Variants in SLC49A4 observed in about 807,000 individuals in gnomAD.
SLC49A4 encodes solute carrier family 49 member 4.
In SLC49A4, 36 loss-of-function variants were observed where a neutral mutation model predicts 50.6. That is an observed-to-expected ratio of 0.71 (90% CI 0.55 to 0.94). SLC49A4 has a LOEUF of 0.94. SLC49A4 is among the 40% of genes least tolerant of loss of function. The pLI, the probability that SLC49A4 is intolerant of heterozygous loss-of-function variation, is 0.00. For synonymous variants in SLC49A4, 248 were observed against 241.2 expected (o/e 1.03, Z -0.26); for missense variants, 503 against 605.7 (o/e 0.83, Z 1.78).
intron 1 of SLC49A4, 90 bp from the exon 2 acceptor site, chr3:122,806,767 G>A (rs1936224544): frequency 3.0e-6 from 2 of 665,150 alleles, no homozygotes. Context: ...AGCATATAAT[G>A]TCAGTATGAT....
At position 122,868,445 on chromosome 3, in the gene SLC49A4, G is replaced by T. The variant is rs529285372; in HGVS notation, c.1139-3970G>T. Among the ~76,000 whole-genome samples the T allele has an allele frequency of 1.5e-4, 23 of 152,266 alleles. 1 individual carries two copies. Among genetic ancestry groups the T allele is most frequent in the African/African-American group, 4.8e-4 (20 of 41,548 alleles). On this transcript the variant is annotated intron_variant, in intron 7 of 8. Transcript: ENST00000261038. ...AGTATCAGTATTATACAAAGTTATG[G>T]AAATACTTAATGATCATGTAGTTTG...
At chr3:122,832,639 C>T (rs1936622361) in intron 3 of SLC49A4, among the ~76,000 whole-genome samples, 1 of 152,108 alleles carries the variant, frequency 6.6e-6, no homozygotes, top group East Asian at 1.9e-4. Flanking sequence ...ATTAGACAAT[C>T]ATCCTAGACC....
chr3:122,810,875 G>A (rs1936288886), intron 2 of SLC49A4, among the ~76,000 whole-genome samples: 2 of 152,160 alleles, frequency 1.3e-5, no homozygotes, highest in African/African-American at 4.8e-5. Flanking sequence ...CAGCTGCTTA[G>A]CTATCTGAAT....
rs1407182964 is a variant in SLC49A4 at position 122,874,821 on chromosome 3, A to G, written c.1321+2224A>G. ...GGCATTTTAGGCAGTTAATGAGAAG[A>G]TACCTGTAAAAGAGCCAAGTCCAGG... On this transcript the variant is annotated intron_variant, in intron 8 of 8. Transcript: ENST00000261038. Among the ~76,000 whole-genome samples the G allele has an allele frequency of 2.0e-5, 3 of 152,336 alleles. No individual in the cohort carries two copies. The East Asian group carries it at 5.8e-4, about 29-fold the overall frequency.
chr3:122,842,508 AAAAAG>A (rs1316343735), intron 4 of SLC49A4, among the ~76,000 whole-genome samples: 3 of 151,242 alleles, frequency 2.0e-5, no homozygotes, highest in African/African-American at 7.3e-5. Context: ...AAAAAAAAAA[AAAAAG>A]ATTGCAGATG....
chr3:122,857,837 A>AAAGGGATCAAAGGGGGATC (rs1937007593), intron 6 of SLC49A4, among the ~76,000 whole-genome samples: 1 of 152,152 alleles, frequency 6.6e-6, no homozygotes, highest in African/African-American at 2.4e-5. Context: ...AAGGGGGAAC[A>AAAGGGATCAAAGGGGGATC]ATTATGTATC....
At position 122,879,297 on chromosome 3, in the gene SLC49A4, G is replaced by A. The variant is rs267599577; in HGVS notation, c.1356G>A (p.Ser452=). 68 of 1,614,006 alleles carry A rather than the reference G, an allele frequency of 4.2e-5. 1 individual carries two copies. In the South Asian group the frequency reaches 5.2e-4, roughly 12 times the overall value. Residue 452 remains serine, a synonymous_variant, in exon 9 of 9, where the codon TCG becomes TCA. Transcript: ENST00000261038. The stretch of plus-strand genomic sequence containing the variant: ...GGTTCAACTGGTGCCTTCCCGGGTC[G>A]TGTTTGCTCAGTCTCCTCCTCATTC... The part of the protein sequence containing the change: ...LSWFNWCLPG[S]CLLSLLLILC...
chr3:122,860,048 G>T, intron 6 of SLC49A4, 27 bp from the exon 7 acceptor site: 1 of 1,587,412 alleles, frequency 6.3e-7, no homozygotes, highest in South Asian at 1.2e-5. Context: ...AATCCCACTA[G>T]AATTAATAGA....
intron 4 of SLC49A4, among the ~76,000 whole-genome samples, chr3:122,835,861 A>G (rs1042647064): frequency 3.9e-5 from 6 of 152,104 alleles, no homozygotes; most frequent in African/African-American, 2.4e-5. Context: ...AACCCTAAAG[A>G]CTCTTCCAAA....
intron 2 of SLC49A4, among the ~76,000 whole-genome samples, chr3:122,816,549 A>G (rs538331826): frequency 2.0e-4 from 30 of 152,298 alleles, no homozygotes; most frequent in South Asian, 1.4e-3. Flanking sequence ...TTCTTGAGCT[A>G]ATTTCTCAAT....
chr3:122,869,091 C>T (rs1327715311), intron 7 of SLC49A4, among the ~76,000 whole-genome samples: 2 of 152,054 alleles, frequency 1.3e-5, no homozygotes, highest in African/African-American at 2.4e-5. Context: ...GAGTTGTGTC[C>T]GCTGTCCATT....
intron 5 of SLC49A4, among the ~76,000 whole-genome samples, chr3:122,853,029 A>G (rs911843343): frequency 2.0e-5 from 3 of 152,180 alleles, no homozygotes; most frequent in African/African-American, 7.2e-5. Context: ...GTCTGTTCAG[A>G]CTTCCACAAC....
At chr3:122,861,572 T>C (rs1161622915) in intron 7 of SLC49A4, among the ~76,000 whole-genome samples, 1 of 152,246 alleles carries the variant, frequency 6.6e-6, no homozygotes, top group East Asian at 1.9e-4. Context: ...CAGTGGCATG[T>C]ATGTTCCATG....
chr3:122,824,134 G>C (rs147151930), intron 2 of SLC49A4, among the ~76,000 whole-genome samples: 135 of 152,330 alleles, frequency 8.9e-4, no homozygotes, highest in Middle Eastern at 3.4e-3. Context: ...TATGTATGAT[G>C]ACTTTTAATA....
intron 1 of SLC49A4, 132 bp downstream of exon 1, chr3:122,795,667 C>A: frequency 7.1e-7 from 1 of 1,406,626 alleles, no homozygotes; most frequent in South Asian, 1.6e-5. Context: ...GTGTTGCTAG[C>A]ATTCCATTTC....
intron 8 of SLC49A4, among the ~76,000 whole-genome samples, chr3:122,878,573 T>G (rs184412346): frequency 6.6e-6 from 1 of 152,194 alleles, no homozygotes; most frequent in African/African-American, 2.4e-5. Context: ...CTTGACACAT[T>G]AAATCAAACA....
At chr3:122,861,383 A>T (rs1937056657) in intron 7 of SLC49A4, among the ~76,000 whole-genome samples, 1 of 152,220 alleles carries the variant, frequency 6.6e-6, no homozygotes. Flanking sequence ...TCTTCCAGCA[A>T]AATATTAAGA....
intron 2 of SLC49A4, 126 bp from the exon 3 acceptor site, chr3:122,826,674 T>C: frequency 1.1e-6 from 1 of 907,074 alleles, no homozygotes. Context: ...CTTTTAGGCA[T>C]GTCATATTCT....
intron 2 of SLC49A4, among the ~76,000 whole-genome samples, chr3:122,812,299 A>G (rs1936310491): frequency 1.3e-5 from 2 of 152,226 alleles, no homozygotes; most frequent in African/African-American, 4.8e-5. Context: ...TAAAACTAAA[A>G]TCACCACCTC....
Sources: allele counts gnomAD v4.1 joint callset (sites outside exome capture counted in the v4.1 genomes callset), GRCh38; gene constraint gnomAD v4.1.1; transcripts MANE v1.5; gene names NCBI Gene and HGNC (gene_info 2026-07-23, HGNC 2026-07-21).